TPP2: variants seen among roughly 807,000 people sequenced by gnomAD.
The protein encoded by TPP2 is tripeptidyl peptidase 2, also known as tripeptidyl-peptidase 2.
TPP2 carries 34 observed loss-of-function variants against 155.9 expected under a neutral mutation model. The ratio of observed to expected loss-of-function variants is 0.22; its 90% confidence interval spans 0.17 to 0.29. The LOEUF is 0.29. Among genes scored for constraint, TPP2 ranks in the 10% least tolerant of loss-of-function variants. TPP2 has a pLI of 1.00. For synonymous variants in TPP2, 510 were observed against 529.4 expected (o/e 0.96, Z 0.50); for missense variants, 1,028 against 1,522.3 (o/e 0.68, Z 5.40).
chr13:102,624,538 G>T (rs988019629), intron 6 of TPP2, among the ~76,000 whole-genome samples: 2 of 152,088 alleles, frequency 1.3e-5, no homozygotes, highest in Admixed American at 1.3e-4. Flanking sequence ...GGGAACCACT[G>T]ATCTGTTTTC....
In TPP2 at chr13:102,663,730, T is replaced by C; in HGVS notation, c.3226T>C (p.Leu1076=). ...TCTGTACGTTGCACGACTTCATCAA[T>C]TGGATGCTGAAAAGGTTAGACATGT... ...LPLYVARLHQ[L]DAEKERMKRL... Residue 1076 remains leucine, a synonymous_variant, in exon 26 of 30, where the codon TTG becomes CTG. Coordinates refer to ENST00000376052, the MANE Select transcript of TPP2 (RefSeq NM_001330588.2). The C allele has an allele frequency of 1.2e-6, 2 of 1,600,364 alleles. No homozygotes were observed. The highest frequency in any genetic ancestry group is 1.7e-6 in the Non-Finnish European group (2 of 1,175,444).
chr13:102,604,812 C>G lies in TPP2; in HGVS notation c.185C>G (p.Pro62Arg). 6.2e-7 allele frequency: 1 copy of G among 1,610,400 alleles called. No homozygotes were observed. The highest frequency in any genetic ancestry group is 8.5e-7 in the Non-Finnish European group (1 of 1,179,162). Residue 62 changes from proline to arginine, a missense_variant, in exon 2 of 30, where the codon CCA becomes CGA. Physicochemically the swap from Pro to Arg is moderately radical, Grantham distance 103. Transcript: ENST00000376052. ...PGMQVTTDGK[P>R]KIVDIIDTTG... ...TTTCAGGTTACAACTGATGGAAAAC[C>G]AAAAATCGTTGATATCATTGATACA...
intron 28 of TPP2, among the ~76,000 whole-genome samples, chr13:102,675,429 C>A (rs1040700717): frequency 7.2e-5 from 11 of 152,068 alleles, no homozygotes; most frequent in African/African-American, 2.7e-4. Context: ...AATTTTGATA[C>A]CTTAGTTTCT....
chr13:102,673,845 G>A (rs924743524), intron 27 of TPP2, among the ~76,000 whole-genome samples: 15 of 152,208 alleles, frequency 9.9e-5, no homozygotes, highest in African/African-American at 3.6e-4. Flanking sequence ...TCAGAGTAAA[G>A]CATTACATTT....
At chr13:102,656,429 CG>C (rs1883861853) in intron 24 of TPP2, among the ~76,000 whole-genome samples, 1 of 152,118 alleles carries the variant, frequency 6.6e-6, no homozygotes, top group African/African-American at 2.4e-5. Context: ...CATTGAGGGT[CG>C]TTTGCGTAAG....
At chr13:102,662,705 C>T (rs188986332) in intron 25 of TPP2, among the ~76,000 whole-genome samples, 51 of 152,156 alleles carry the variant, frequency 3.4e-4, no homozygotes, top group Admixed American at 9.2e-4. Flanking sequence ...ATCAAAATCC[C>T]GGTCAACCTT....
intron 17 of TPP2, 127 bp downstream of exon 17, chr13:102,643,503 TG>T (rs770567638): frequency 8.2e-5 from 82 of 994,254 alleles, no homozygotes; most frequent in Admixed American, 1.2e-4. Flanking sequence ...ATTTTTTTAA[TG>T]CCAAAAAAAT....
At position 102,657,124 on chromosome 13, in the gene TPP2, G is replaced by A. The variant is rs764046705; in HGVS notation, c.3060G>A (p.Lys1020=). The change falls in exon 25 of 30, where the codon AAG becomes AAA. Residue 1020 remains lysine, a synonymous_variant. Transcript: ENST00000376052. ...AGACTAAGAATGGCAGCAAAGATAA[G>A]GAAAAAGATTCAGAAAAAGAGAAAG... ...PTKTKNGSKD[K]EKDSEKEKDL... 9.5e-6 allele frequency: 15 copies of A among 1,584,956 alleles called. No homozygotes were observed. Among genetic ancestry groups the A allele is most frequent in the Non-Finnish European group, 3.4e-6 (4 of 1,169,878 alleles).
intron 28 of TPP2, among the ~76,000 whole-genome samples, chr13:102,675,917 A>G (rs944199659): frequency 2.0e-5 from 3 of 152,186 alleles, no homozygotes; most frequent in East Asian, 1.9e-4. Context: ...CCATGTTTAT[A>G]TAATCTAATA....
chr13:102,620,421 C>T (rs996085196), intron 5 of TPP2, among the ~76,000 whole-genome samples: 1 of 152,016 alleles, frequency 6.6e-6, no homozygotes, highest in Admixed American at 6.6e-5. Context: ...AACTTTTTTG[C>T]ATAATACAGT....
At chr13:102,656,524 T>C (rs954444855) in intron 24 of TPP2, among the ~76,000 whole-genome samples, 1 of 152,106 alleles carries the variant, frequency 6.6e-6, no homozygotes. Flanking sequence ...TCTATCCTTT[T>C]CTGTTTTGTT....
chr13:102,656,974 C>T (rs1358072291), intron 24 of TPP2, 82 bp from the exon 25 acceptor site: 3 of 1,425,196 alleles, frequency 2.1e-6, no homozygotes, highest in Non-Finnish European at 1.9e-6. Context: ...GCCCATGTTA[C>T]ATGACATGTA....
intron 25 of TPP2, among the ~76,000 whole-genome samples, chr13:102,663,021 T>G (rs970407660): frequency 2.6e-5 from 4 of 152,086 alleles, no homozygotes; most frequent in Non-Finnish European, 4.4e-5. Context: ...TTTCTTCCTT[T>G]TAAATAAATA....
At chr13:102,611,532 T>G (rs916675930) in intron 2 of TPP2, among the ~76,000 whole-genome samples, 5 of 152,070 alleles carry the variant, frequency 3.3e-5, no homozygotes, top group Admixed American at 6.6e-5. Context: ...AAAAATTAGC[T>G]GGGCATGGTG....
rs1010500687 is a variant in TPP2 at position 102,623,678 on chromosome 13, G to A, written c.784+638G>A. Among the ~76,000 whole-genome samples, 7 of 152,162 alleles carry A rather than the reference G, an allele frequency of 4.6e-5. No individual in the cohort carries two copies. The East Asian group carries it at 5.8e-4, about 13-fold the overall frequency. On this transcript the variant is annotated intron_variant, in intron 6 of 29. Coordinates refer to ENST00000376052, the MANE Select transcript of TPP2 (RefSeq NM_001330588.2). Reference sequence around the variant, plus strand: ...AATCAGATAAAAGAATCCTCACTACGGCACTCTGTGTGATTTCAAAAAAGT... The same window carrying A: ...AATCAGATAAAAGAATCCTCACTACAGCACTCTGTGTGATTTCAAAAAAGT...
intron 1 of TPP2, among the ~76,000 whole-genome samples, chr13:102,602,699 G>A (rs73575111): frequency 0.15 from 22,603 of 152,184 alleles, 2,048 homozygotes; most frequent in African/African-American, 0.26. Context: ...ACAGAGCTTG[G>A]AGGTTATTGC....
chr13:102,636,509 G>A, intron 13 of TPP2, 117 bp downstream of exon 13: 1 of 1,214,292 alleles, frequency 8.2e-7, no homozygotes. Context: ...TGAATTGACA[G>A]TATGATTATT....
chr13:102,623,283 G>T (rs1881302976), intron 6 of TPP2, among the ~76,000 whole-genome samples: 1 of 152,164 alleles, frequency 6.6e-6, no homozygotes, highest in South Asian at 2.1e-4. Flanking sequence ...CCATCAATAG[G>T]CTGGGTGCAG....
At chr13:102,613,512 T>C (rs1182305570) in intron 2 of TPP2, among the ~76,000 whole-genome samples, 2 of 152,234 alleles carry the variant, frequency 1.3e-5, no homozygotes, top group Non-Finnish European at 2.9e-5. Context: ...AAGAATAAGG[T>C]AGAGATTTTC....
Sources: allele counts gnomAD v4.1 joint callset (sites outside exome capture counted in the v4.1 genomes callset), GRCh38; gene constraint gnomAD v4.1.1; transcripts MANE v1.5; gene names NCBI Gene and HGNC (gene_info 2026-07-23, HGNC 2026-07-21).